The following SPATA13 variants were observed in gnomAD, a reference collection of about 807,000 sequenced individuals.
SPATA13 encodes the protein spermatogenesis associated 13, also known as spermatogenesis-associated protein 13.
Under a neutral mutation model 104.0 loss-of-function variants are expected in SPATA13, and 50 were observed. The observed-to-expected ratio is 0.48, with a 90% CI of 0.38 to 0.61. SPATA13 has a LOEUF of 0.61. SPATA13 is among the 20% of genes least tolerant of loss of function. SPATA13 has a pLI of 0.00. For synonymous variants in SPATA13, 606 were observed against 667.5 expected, an observed-to-expected ratio of 0.91 and a Z score of 1.42; for missense variants, 1,524 against 1,690.6, an observed-to-expected ratio of 0.90 and a Z score of 1.73.
intron 1 of SPATA13, among the ~76,000 whole-genome samples, chr13:24,204,813 A>ATATG (rs1464426098): frequency 6.6e-6 from 1 of 152,212 alleles, no homozygotes; most frequent in Non-Finnish European, 1.5e-5. Context: ...ATATTCTATT[A>ATATG]TATGTATATA....
At chr13:24,020,777 C>T (rs1876939856) in intron 3 of SPATA13, among the ~76,000 whole-genome samples, 1 of 152,154 alleles carries the variant, frequency 6.6e-6, no homozygotes, top group African/African-American at 2.4e-5. Context: ...GGCGAGATGA[C>T]TCATGCCTAT....
Position 24,223,563 on chromosome 13 carries a change from A to G in SPATA13, c.634A>G (p.Ile212Val). Residue 212 changes from isoleucine (I) to valine (V), a missense_variant, in exon 2 of 13, where the codon ATC becomes GTC. Physicochemically the swap from Ile to Val is conservative, Grantham distance 29. Around this residue, in one of 2 missense-constraint regions of SPATA13, gnomAD observed 1,089 missense variants for 1,135.9 expected, o/e 0.96. Transcript: ENST00000382108. ...CCGCAGAGCCTACGGCCTGGGCCGC[A>G]TCTGCCTGCTGGATGCGCCCCAGAA... ...SLRRAYGLGR[I>V]CLLDAPQNHA... is the part of the protein sequence containing the mutation. 1 of 1,549,390 alleles carries G rather than the reference A, an allele frequency of 6.5e-7. No individual in the cohort carries two copies. The highest frequency in any genetic ancestry group is 2.4e-5 in the East Asian group (1 of 40,906).
chr13:24,164,378 T>A (rs1566128100), intron 1 of SPATA13, among the ~76,000 whole-genome samples: 1 of 152,238 alleles, frequency 6.6e-6, no homozygotes, highest in Non-Finnish European at 1.5e-5. Flanking sequence ...CCAGGGAACC[T>A]GCAGGGTATT....
At chr13:24,301,500 A>G (rs1877182101) in intron 12 of SPATA13, among the ~76,000 whole-genome samples, 1 of 152,248 alleles carries the variant, frequency 6.6e-6, no homozygotes, top group Non-Finnish European at 1.5e-5. Context: ...AATTTGTTAG[A>G]ATACATTGTT....
intron 3 of SPATA13, among the ~76,000 whole-genome samples, chr13:24,032,331 C>G (rs1877514713): frequency 1.3e-5 from 2 of 152,204 alleles, no homozygotes; most frequent in African/African-American, 4.8e-5. Flanking sequence ...GCAGTGGTCC[C>G]TATACCCATT....
chr13:24,272,093 C>T (rs1446481091), intron 4 of SPATA13, among the ~76,000 whole-genome samples: 1 of 152,258 alleles, frequency 6.6e-6, no homozygotes, highest in East Asian at 1.9e-4. Flanking sequence ...CGTGCGGGTG[C>T]TCCCTCCCAG....
At chr13:24,153,190 T>C (rs909775076) in intron 3 of SPATA13, among the ~76,000 whole-genome samples, 2 of 152,224 alleles carry the variant, frequency 1.3e-5, no homozygotes, top group South Asian at 4.1e-4. Context: ...ATTAGCTGCC[T>C]GGCAAAGGAG....
At chr13:24,300,338 A>C (rs936782591) in intron 11 of SPATA13, 63 bp from the exon 12 acceptor site, 3 of 1,349,588 alleles carry the variant, frequency 2.2e-6, no homozygotes, top group Non-Finnish European at 2.1e-6. Context: ...GCTGTGATAC[A>C]AGTTTTGCTC....
chr13:24,197,875 G>C (rs1448052369), intron 1 of SPATA13, among the ~76,000 whole-genome samples: 1 of 152,074 alleles, frequency 6.6e-6, no homozygotes, highest in Non-Finnish European at 1.5e-5. Context: ...GGGGTTTCCT[G>C]GAGGCTGATT....
chr13:24,032,411 A>G (rs961373803), intron 3 of SPATA13, among the ~76,000 whole-genome samples: 1 of 152,254 alleles, frequency 6.6e-6, no homozygotes, highest in African/African-American at 2.4e-5. Context: ...CTTCTTAAAC[A>G]GTCCACATGG....
At chr13:24,140,864 G>A (rs573608019) in intron 3 of SPATA13, among the ~76,000 whole-genome samples, 1 of 152,094 alleles carries the variant, frequency 6.6e-6, no homozygotes, top group South Asian at 2.1e-4. Flanking sequence ...TCATATAATC[G>A]TAAAGGAGAA....
At position 24,083,760 on chromosome 13, in the gene SPATA13, C is replaced by T. The variant is rs189231249; in HGVS notation, c.-112+66059C>T. On this transcript the variant is annotated intron_variant, in intron 3 of 14. Coordinates refer to the SPATA13 transcript ENST00000424834. ...GCACTTGCTGGTTTGAAACACACTG[C>T]GCTCAGCCACATGGAGATAAGAGCA... is the stretch of plus-strand genomic sequence containing the variant. Among the ~76,000 whole-genome samples the T allele has an allele frequency of 7.3e-4, 111 of 152,264 alleles. 1 individual carries two copies. Among genetic ancestry groups the T allele is most frequent in the African/African-American group, 2.6e-3 (106 of 41,544 alleles).
intron 2 of SPATA13, among the ~76,000 whole-genome samples, chr13:23,984,832 A>G (rs1043543941): frequency 2.6e-5 from 4 of 152,200 alleles, no homozygotes; most frequent in African/African-American, 9.7e-5. Context: ...TAGAACAGGG[A>G]TTGGTGCCAG....
intron 3 of SPATA13, among the ~76,000 whole-genome samples, chr13:24,133,760 A>T (rs1342732826): frequency 6.6e-6 from 1 of 152,180 alleles, no homozygotes; most frequent in African/African-American, 2.4e-5. Flanking sequence ...GAGAGGCAGA[A>T]TAGTGCCGGG....
Position 24,286,517 on chromosome 13 carries a change from C to A in SPATA13, c.2481+124C>A. On this transcript the variant is annotated intron_variant, in intron 6 of 12. Transcript: ENST00000382108. This position sits in a 1 kb window ranked among gnomAD's most constrained non-coding sequence, Gnocchi z 4.9. ...ATTGATATCTGACATGCAAGTCACA[C>A]CTGTAAGAAATTAGGCTGGGTCGGA... 1 of 1,111,654 alleles carries A rather than the reference C, an allele frequency of 9.0e-7. No homozygotes were observed. The highest frequency in any genetic ancestry group is 1.3e-6 in the Non-Finnish European group (1 of 790,734). The allele number at this position is 1,111,654 out of a possible 1,614,324, so 68.9% of individuals were successfully genotyped here.
chr13:24,272,378 C>T (rs1874675260), intron 4 of SPATA13, among the ~76,000 whole-genome samples: 1 of 152,200 alleles, frequency 6.6e-6, no homozygotes, highest in African/African-American at 2.4e-5. Flanking sequence ...TGAGAGGGGC[C>T]TGGGTCAGTG....
At chr13:24,124,752 A>ATG (rs1216716195) in intron 3 of SPATA13, among the ~76,000 whole-genome samples, 2 of 152,286 alleles carry the variant, frequency 1.3e-5, no homozygotes, top group East Asian at 3.9e-4. Flanking sequence ...TCTTTTTTTA[A>ATG]TGTGTACACT....
chr13:24,087,788 G>A (rs1420268066), intron 3 of SPATA13, among the ~76,000 whole-genome samples: 1 of 152,152 alleles, frequency 6.6e-6, no homozygotes, highest in Non-Finnish European at 1.5e-5. Context: ...CCCGTGTTCT[G>A]GGTGGCCACG....
At position 24,084,048 on chromosome 13, in the gene SPATA13, T is replaced by C. The variant is rs546809882; in HGVS notation, c.-112+66347T>C. Among the ~76,000 whole-genome samples, 8 of 152,334 alleles carry C rather than the reference T, an allele frequency of 5.3e-5. No individual in the cohort carries two copies. The South Asian group carries it at 1.7e-3, about 32-fold the overall frequency. ...TGAAAGTGGAAGGTTTTCTGGATTATAGTTTAACAAGCGTTTTTACTCCTT... is the reference window on the plus strand; with the variant it reads ...TGAAAGTGGAAGGTTTTCTGGATTACAGTTTAACAAGCGTTTTTACTCCTT... On this transcript the variant is annotated intron_variant, in intron 3 of 14. Coordinates refer to the SPATA13 transcript ENST00000424834.
Sources: allele counts gnomAD v4.1 joint callset (sites outside exome capture counted in the v4.1 genomes callset), GRCh38; gene constraint gnomAD v4.1.1; regional missense constraint gnomAD v4.1.1; non-coding constraint Gnocchi (gnomAD v3.1); transcripts MANE v1.5; gene names NCBI Gene and HGNC (gene_info 2026-07-23, HGNC 2026-07-21).